Variants in TUB observed in about 807,000 individuals in gnomAD.
TUB encodes tubby protein homolog.
TUB carries 33 observed loss-of-function variants against 59.7 expected under a neutral mutation model. That is an observed-to-expected ratio of 0.55 (90% CI 0.42 to 0.74). The LOEUF (loss-of-function observed/expected upper bound fraction) is 0.74. TUB is among the 30% of genes least tolerant of loss of function. The pLI is 0.00. For synonymous variants in TUB, 293 were observed against 256.4 expected (o/e 1.14, Z -1.36); for missense variants, 659 against 672.0 (o/e 0.98, Z 0.21).
rs766006247 is a variant in TUB at position 8,081,563 on chromosome 11, G to A, written c.38+15G>A. ...ATTCCCTACAGGTACGCGGGCGCCGGGCCGGGGCGCCCACCACTCCCGACT... is the reference window on the plus strand; with the variant it reads ...ATTCCCTACAGGTACGCGGGCGCCGAGCCGGGGCGCCCACCACTCCCGACT... On this transcript the variant is annotated intron_variant, in intron 1 of 11. Coordinates refer to ENST00000299506, the MANE Select transcript of TUB (RefSeq NM_177972.3). 1.3e-6 allele frequency: 2 copies of A among 1,530,464 alleles called. No individual in the cohort carries two copies. The highest frequency in any genetic ancestry group is 1.2e-5 in the South Asian group (1 of 83,086). 94.8% of individuals were successfully genotyped at this position (1,530,464 alleles called of 1,614,324 possible).
At chr11:8,065,001 A>G (rs545986712) in intron 2 of TUB, among the ~76,000 whole-genome samples, 1 of 152,342 alleles carries the variant, frequency 6.6e-6, no homozygotes, top group African/African-American at 2.4e-5. Context: ...GGGCCTCTCC[A>G]TGTTGAAGCA....
chr11:8,024,188 C>G (rs1942469720), intron 1 of TUB, among the ~76,000 whole-genome samples: 1 of 152,244 alleles, frequency 6.6e-6, no homozygotes, highest in Non-Finnish European at 1.5e-5. Context: ...CAGTCACTCA[C>G]TCCAGCACTT....
chr11:8,027,294 GGTA>G (rs1294054514), intron 1 of TUB, among the ~76,000 whole-genome samples: 3 of 151,954 alleles, frequency 2.0e-5, no homozygotes, highest in Non-Finnish European at 4.4e-5. Flanking sequence ...CCTGGCCCCT[GGTA>G]ACCTCTAATC....
chr11:8,034,270 C>T (rs1282823535), upstream of TUB, among the ~76,000 whole-genome samples: 1 of 152,182 alleles, frequency 6.6e-6, no homozygotes, highest in Non-Finnish European at 1.5e-5. Context: ...TTCCATGAAG[C>T]CCAAGGGGGA....
intron 2 of TUB, among the ~76,000 whole-genome samples, chr11:8,054,355 T>G (rs1942982095): frequency 6.6e-6 from 1 of 152,250 alleles, no homozygotes; most frequent in Non-Finnish European, 1.5e-5. Flanking sequence ...ATCTGTATCT[T>G]TGATTACAGC....
intron 9 of TUB, among the ~76,000 whole-genome samples, chr11:8,099,252 T>G (rs1318876197): frequency 1.3e-5 from 2 of 152,188 alleles, no homozygotes; most frequent in African/African-American, 4.8e-5. Flanking sequence ...TCACTGAACG[T>G]TCAACCTAAG....
At chr11:8,032,352 T>C (rs894609486) in intron 1 of TUB, among the ~76,000 whole-genome samples, 5 of 152,154 alleles carry the variant, frequency 3.3e-5, no homozygotes, top group African/African-American at 1.2e-4. Flanking sequence ...TGTTGGCAGA[T>C]GTTGGGATGA....
chr11:8,078,894 C>T (rs1408548202), upstream of TUB, among the ~76,000 whole-genome samples: 1 of 151,962 alleles, frequency 6.6e-6, no homozygotes, highest in Non-Finnish European at 1.5e-5. Flanking sequence ...CGTACACTGG[C>T]GCTCAGTCCC....
chr11:8,082,749 CA>C (rs1943594361), intron 1 of TUB, among the ~76,000 whole-genome samples: 1 of 152,186 alleles, frequency 6.6e-6, no homozygotes, highest in Non-Finnish European at 1.5e-5. Flanking sequence ...TGAAACCGCC[CA>C]AGGCTTCTTA....
chr11:8,022,709 G>C (rs1490848878), intron 1 of TUB, among the ~76,000 whole-genome samples: 1 of 152,158 alleles, frequency 6.6e-6, no homozygotes, highest in South Asian at 2.1e-4. Flanking sequence ...GGCCAACATG[G>C]TGAAACCCTG....
chr11:8,085,116 C>G (rs1416398771), intron 1 of TUB, among the ~76,000 whole-genome samples: 1 of 152,180 alleles, frequency 6.6e-6, no homozygotes, highest in Non-Finnish European at 1.5e-5. Context: ...CTCCGAGGTG[C>G]CCTGGGCACT....
intron 1 of TUB, among the ~76,000 whole-genome samples, chr11:8,032,069 G>GAGCCTCCC (rs1172346726): frequency 6.6e-6 from 1 of 151,998 alleles, no homozygotes; most frequent in East Asian, 1.9e-4. Flanking sequence ...GAGCAGCCGC[G>GAGCCTCCC]ACTGCACAGA....
chr11:8,070,054 C>T (rs1467025858), intron 2 of TUB, among the ~76,000 whole-genome samples: 1 of 152,210 alleles, frequency 6.6e-6, no homozygotes, highest in Non-Finnish European at 1.5e-5. Flanking sequence ...CATGGCCACA[C>T]TGGCTTTCTT....
At chr11:8,092,795 C>G (rs769724645) in intron 3 of TUB, among the ~76,000 whole-genome samples, 1 of 152,082 alleles carries the variant, frequency 6.6e-6, no homozygotes, top group Non-Finnish European at 1.5e-5. Context: ...CAGGCCACTC[C>G]CACCCCGCCT....
intron 2 of TUB, among the ~76,000 whole-genome samples, chr11:8,070,494 T>G (rs535335964): frequency 6.6e-6 from 1 of 152,364 alleles, no homozygotes; most frequent in African/African-American, 2.4e-5. Context: ...TACTCAACTT[T>G]CTGATTCTGG....
In TUB at chr11:8,100,997, C is replaced by CGTGAGT. The variant is rs753451128; in HGVS notation, c.1387+3_1387+8dup. 1 of 1,614,112 alleles carries CGTGAGT rather than the reference C, an allele frequency of 6.2e-7. No individual in the cohort carries two copies. Among genetic ancestry groups the CGTGAGT allele is most frequent in the Admixed American group, 1.7e-5 (1 of 60,022 alleles). On this transcript the variant is annotated protein_altering_variant and splice_region_variant. Transcript: ENST00000299506. ...CTTCCAGATCATCCATGGCAATGAC[C>CGTGAGT]GTGAGTGTTTCTGTCCCTACTCATT...
chr11:8,039,489 CT>C, intron 1 of TUB: 1 of 598,846 alleles, frequency 1.7e-6, no homozygotes, highest in Non-Finnish European at 2.7e-6. Context: ...ATGGAAGTCC[CT>C]CTACCCTGAT....
At chr11:8,048,092 T>C (rs1046178603) in intron 2 of TUB, among the ~76,000 whole-genome samples, 22 of 152,272 alleles carry the variant, frequency 1.4e-4, no homozygotes, top group African/African-American at 4.8e-4. Context: ...AATTTTCAAA[T>C]GAATAATAAT....
At chr11:8,058,581 T>C (rs958973206) in intron 2 of TUB, among the ~76,000 whole-genome samples, 3 of 152,244 alleles carry the variant, frequency 2.0e-5, no homozygotes, top group Non-Finnish European at 2.9e-5. Flanking sequence ...TTATAGTTGC[T>C]CCATGGTGAA....
Sources: gnomAD v4.1 joint callset for allele counts (sites outside exome capture counted in the v4.1 genomes callset) on GRCh38, gnomAD v4.1.1 for gene constraint, MANE v1.5 for transcripts, NCBI Gene and HGNC (gene_info 2026-07-23, HGNC 2026-07-21) for gene names.